BRWD1: variants seen among roughly 807,000 people sequenced by gnomAD.
BRWD1 encodes bromodomain and WD repeat-containing protein 1.
Under a neutral mutation model 251.2 loss-of-function variants are expected in BRWD1, and 82 were observed. The ratio of observed to expected loss-of-function variants is 0.33; its 90% CI spans 0.27 to 0.39. BRWD1 has a LOEUF of 0.39. BRWD1 is among the 10% of genes least tolerant of loss of function. The probability of loss-of-function intolerance (pLI) is 1.00; values close to 1 mark genes in which losing one functional copy is unlikely to be tolerated. For synonymous variants in BRWD1, 918 were observed against 902.8 expected (o/e 1.02, Z -0.30); for missense variants, 2,233 against 2,711.6 (o/e 0.82, Z 3.92).
chr21:39,268,295 C>G, intron 15 of BRWD1, among the ~76,000 whole-genome samples: 1 of 151,934 alleles, frequency 6.6e-6, no homozygotes, highest in Admixed American at 6.6e-5. Flanking sequence ...AAAAAATTAG[C>G]TGGATGTGAT....
rs566493773 is a variant in BRWD1 at position 39,298,525 on chromosome 21, C to T, written c.256G>A (p.Gly86Ser). 5.6e-6 allele frequency: 9 copies of T among 1,609,438 alleles called. No homozygotes were observed. Among genetic ancestry groups the T allele is most frequent in the East Asian group, 4.5e-5 (2 of 44,532 alleles). ...GGAATTTCTTTATCCAACATAGGACCGATGCGCTGGCAGATTTGCAAAAGA... is the reference window on the plus strand; with the variant it reads ...GGAATTTCTTTATCCAACATAGGACTGATGCGCTGGCAGATTTGCAAAAGA... ...DHLLQICQRI[G>S]PMLDKEIPPS... is the part of the protein sequence containing the mutation. The change falls in exon 5 of 41, where the codon GGT becomes AGT. Residue 86 changes from glycine (G) to serine (S), a missense_variant. By Grantham distance (56) the Gly-to-Ser change is moderately conservative. Transcript: ENST00000342449.
intron 12 of BRWD1, among the ~76,000 whole-genome samples, chr21:39,275,817 G>C (rs1025547179): frequency 2.0e-5 from 3 of 152,186 alleles, no homozygotes; most frequent in African/African-American, 7.2e-5. Context: ...CAGATCACCT[G>C]AAGTCGGGAG....
chr21:39,199,712 A>G, intron 39 of BRWD1, 50 bp from the exon 40 acceptor site: 1 of 1,435,298 alleles, frequency 7.0e-7, no homozygotes, highest in East Asian at 2.3e-5. Flanking sequence ...TTATTTCAAC[A>G]TTTTTAAATG....
In BRWD1 at chr21:39,296,359, G is replaced by A; in HGVS notation, c.354C>T (p.Cys118=). The A allele has an allele frequency of 6.4e-7, 1 of 1,563,414 alleles. No individual in the cohort carries two copies. The change falls in exon 6 of 41, where the codon TGC becomes TGT. Residue 118 remains cysteine, a synonymous_variant. Transcript: ENST00000342449. ...CAGAGCCCTTCCAAACTGTGTGCCT[G>A]CAGTCTTTAAAATGAATTTTAGATA... is the stretch of plus-strand genomic sequence containing the variant. ...RQSLLRTAKD[C]RHTVWKGSAF...
chr21:39,269,476 A>G (rs969808824), intron 15 of BRWD1, among the ~76,000 whole-genome samples: 3 of 152,066 alleles, frequency 2.0e-5, no homozygotes, highest in Non-Finnish European at 4.4e-5. Flanking sequence ...GGTTACTGAA[A>G]TTGGAGTAAT....
At chr21:39,309,878 G>A (rs1012693306) in intron 4 of BRWD1, among the ~76,000 whole-genome samples, 4 of 151,222 alleles carry the variant, frequency 2.6e-5, no homozygotes, top group African/African-American at 9.7e-5. Context: ...ATCTGGATAT[G>A]GACTCTGTGA....
At chr21:39,197,503 A>G in intron 40 of BRWD1, 88 bp from the exon 41 acceptor site, 1 of 1,127,088 alleles carries the variant, frequency 8.9e-7, no homozygotes, top group Non-Finnish European at 1.3e-6. Context: ...CAGAATTCGT[A>G]TTAATTTGAA....
chr21:39,313,343 G>GAGGGGGACGGGGCC, intron 1 of BRWD1, 44 bp from the exon 2 acceptor site: 3 of 1,507,868 alleles, frequency 2.0e-6, no homozygotes, highest in Non-Finnish European at 2.7e-6. Flanking sequence ...GCGGGGAGGG[G>GAGGGGGACGGGGCC]AGGGGGACGG....
chr21:39,279,588 G>A (rs942688326), intron 9 of BRWD1, among the ~76,000 whole-genome samples: 69 of 134,514 alleles, frequency 5.1e-4, no homozygotes, highest in African/African-American at 1.8e-3. Context: ...GCAGTGAGCC[G>A]AGATCACGCC....
chr21:39,228,645 G>C (rs2033481085), intron 26 of BRWD1, 63 bp from the exon 27 acceptor site: 1 of 888,666 alleles, frequency 1.1e-6, no homozygotes, highest in East Asian at 2.5e-5. Context: ...TCTAAAAGCA[G>C]CACTGTCCAA....
chr21:39,249,766 T>A (rs987694877), intron 20 of BRWD1, among the ~76,000 whole-genome samples: 1 of 152,150 alleles, frequency 6.6e-6, no homozygotes, highest in Non-Finnish European at 1.5e-5. Flanking sequence ...TCACGAGTGA[T>A]AATAGGTTAA....
rs147384341 is a variant in BRWD1 at position 39,196,676 on chromosome 21, C to T, written c.6393G>A (p.Ser2131=). ...TTTTCACATTTTCCAATTCAGGATGCGATCTCTTCCTTTTTACTTCCTTCT... is the reference window on the plus strand; with the variant it reads ...TTTTCACATTTTCCAATTCAGGATGTGATCTCTTCCTTTTTACTTCCTTCT... ...TAEKEVKRKR[S]HPELENVKIS... The change falls in exon 41 of 41, where the codon TCG becomes TCA. Residue 2131 remains serine, a synonymous_variant. Transcript: ENST00000342449. The T allele has an allele frequency of 4.0e-4, 651 of 1,613,904 alleles. 2 individuals carry two copies. The highest frequency in any genetic ancestry group is 8.2e-4 in the Middle Eastern group (5 of 6,062).
intron 21 of BRWD1, 27 bp from the exon 22 acceptor site, chr21:39,238,600 C>T: frequency 6.6e-7 from 1 of 1,522,708 alleles, no homozygotes; most frequent in Non-Finnish European, 9.1e-7. Context: ...GGAAAAAAAT[C>T]TTGATCCCTG....
At chr21:39,306,215 G>T (rs146594989) in intron 4 of BRWD1, among the ~76,000 whole-genome samples, 3 of 151,550 alleles carry the variant, frequency 2.0e-5, no homozygotes, top group Admixed American at 2.0e-4. Context: ...GACTACAGGC[G>T]CCCGCCACCA....
chr21:39,279,643 AAAAAAAAAAAAAAG>A (rs1371878080), intron 9 of BRWD1, among the ~76,000 whole-genome samples: 5 of 121,314 alleles, frequency 4.1e-5, no homozygotes, highest in African/African-American at 1.3e-4. Context: ...CATCTCAAAA[AAAAAAAAAAAAAAG>A]AAAAAAAAAA....
rs1215515023 is a variant in BRWD1 at position 39,206,167 on chromosome 21, G to A, written c.4305C>T (p.Ser1435=). Residue 1435 remains serine, a synonymous_variant, in exon 37 of 41, where the codon AGC becomes AGT. Transcript: ENST00000342449. ...GQKFNEKLRR[S]QRFKQRQNCK... The stretch of plus-strand genomic sequence containing the variant: ...AATTTTGCCGTTGCTTGAACCTCTG[G>A]CTTCTTCGAAGTTTTTCATTGAATT... 2 of 1,613,626 alleles carry A rather than the reference G, an allele frequency of 1.2e-6. No homozygotes were observed. Among genetic ancestry groups the A allele is most frequent in the African/African-American group, 1.3e-5 (1 of 74,988 alleles).
intron 17 of BRWD1, among the ~76,000 whole-genome samples, chr21:39,263,639 G>A (rs1178296870): frequency 6.6e-6 from 1 of 152,138 alleles, no homozygotes; most frequent in Non-Finnish European, 1.5e-5. Context: ...TACATATGAT[G>A]CAATGACAGA....
At chr21:39,229,930 GGTCTCCCTATGTTGTCCAGACTA>G (rs2033543207) in intron 25 of BRWD1, among the ~76,000 whole-genome samples, 1 of 152,088 alleles carries the variant, frequency 6.6e-6, no homozygotes, top group Non-Finnish European at 1.5e-5. Flanking sequence ...TGTAGAGACA[GGTCTCCCTATGTTGTCCAGACTA>G]GTCTCGAACT....
Position 39,206,090 on chromosome 21 carries a change from T to G in BRWD1, c.4364+18A>C, listed in dbSNP as rs1227215928. The stretch of plus-strand genomic sequence containing the variant: ...AATTAAATAAATAAATAAAGCAAGC[T>G]TGCCATAACCAGTTTACCTGATACT... On this transcript the variant is annotated intron_variant, in intron 37 of 40. Coordinates refer to ENST00000342449, the MANE Select transcript of BRWD1 (RefSeq NM_033656.4). The G allele has an allele frequency of 6.3e-7, 1 of 1,584,384 alleles. No homozygotes were observed.
Sources: allele counts gnomAD v4.1 joint callset (sites outside exome capture counted in the v4.1 genomes callset), GRCh38; gene constraint gnomAD v4.1.1; transcripts MANE v1.5; gene names NCBI Gene and HGNC (gene_info 2026-07-23, HGNC 2026-07-21).